SPTB: variants seen among roughly 807,000 people sequenced by gnomAD.
SPTB encodes the protein spectrin beta chain, erythrocytic.
SPTB carries 45 observed loss-of-function variants against 256.2 expected under a neutral mutation model. That is an observed-to-expected ratio of 0.18 (90% CI 0.14 to 0.23). The LOEUF is 0.23. Among genes scored for constraint, SPTB ranks in the 10% least tolerant of loss-of-function variants. SPTB has a pLI of 1.00. For synonymous variants in SPTB, 1,231 were observed against 1,243.1 expected, an observed-to-expected ratio of 0.99 and a Z score of 0.21; for missense variants, 2,715 against 3,040.4, an observed-to-expected ratio of 0.89 and a Z score of 2.52.
chr14:64,823,149 G>A lies in SPTB; in HGVS notation c.-51-4C>T. ...CTCAGTCTTCATGGAAGGATCCCTG[G>A]GGGACAGCAACACAGTCAGAGGGTT... On this transcript the variant is annotated splice_region_variant and splice_polypyrimidine_tract_variant and intron_variant, in intron 1 of 35. Coordinates refer to ENST00000644917, the MANE Select transcript of SPTB (RefSeq NM_001355436.2). This position sits in a 1 kb window ranked among gnomAD's most constrained non-coding sequence, Gnocchi z 6.5. 6.2e-7 allele frequency: 1 copy of A among 1,609,124 alleles called. No individual in the cohort carries two copies. The highest frequency in any genetic ancestry group is 1.1e-5 in the South Asian group (1 of 90,908).
At chr14:64,797,409 G>A (rs2082791249) in intron 10 of SPTB, among the ~76,000 whole-genome samples, 1 of 142,384 alleles carries the variant, frequency 7.0e-6, no homozygotes, top group South Asian at 2.3e-4. Flanking sequence ...CGAGGCTGCA[G>A]TGAGCTGTGA....
chr14:64,878,143 C>T (rs1229565813), intron 1 of SPTB, among the ~76,000 whole-genome samples: 1 of 152,182 alleles, frequency 6.6e-6, no homozygotes, highest in Non-Finnish European at 1.5e-5. Flanking sequence ...CTAAGAGCAA[C>T]AGCTAAGGGG....
chr14:64,845,760 G>C lies in SPTB; in HGVS notation c.-51-22615C>G, dbSNP rs2083682126. On this transcript the variant is annotated intron_variant, in intron 1 of 35. Coordinates refer to ENST00000644917, the MANE Select transcript of SPTB (RefSeq NM_001355436.2). This position sits in a 1 kb window ranked among gnomAD's most constrained non-coding sequence, Gnocchi z 4.8. ...ACTTTGTGAAATGAGTTCTGCCATG[G>C]GCTCGCCTAGTCTCTTCATTGTTGA... Among the ~76,000 whole-genome samples the C allele has an allele frequency of 1.3e-5, 2 of 152,068 alleles. No individual in the cohort carries two copies. Among genetic ancestry groups the C allele is most frequent in the Admixed American group, 1.3e-4 (2 of 15,272 alleles).
At chr14:64,752,146 A>G (rs1359094832) in intron 33 of SPTB, 1 of 1,308,120 alleles carries the variant, frequency 7.6e-7, no homozygotes, top group South Asian at 1.2e-5. Context: ...GCTCATGTCA[A>G]CTGGCATGTT....
Position 64,786,102 on chromosome 14 carries a change from C to T in SPTB, c.3562-151G>A. On this transcript the variant is annotated intron_variant, in intron 16 of 35. Coordinates refer to ENST00000644917, the MANE Select transcript of SPTB (RefSeq NM_001355436.2). This position sits in a 1 kb window ranked among gnomAD's most constrained non-coding sequence, Gnocchi z 5.6. ...CAGGGAGGAGGCACTACTCCCCAGG[C>T]CTTGCCCCCACCCCTACCCCAGGGG... 2.3e-6 allele frequency: 2 copies of T among 866,370 alleles called. No individual in the cohort carries two copies. The highest frequency in any genetic ancestry group is 3.7e-6 in the Non-Finnish European group (2 of 542,390). 53.7% of individuals were successfully genotyped at this position (866,370 alleles called of 1,614,324 possible). A position where few individuals can be genotyped will look rare whatever the true frequency, so the allele number is the denominator to read the frequency against.
chr14:64,812,634 C>G (rs2083110846), intron 2 of SPTB, among the ~76,000 whole-genome samples: 1 of 152,014 alleles, frequency 6.6e-6, no homozygotes, highest in Non-Finnish European at 1.5e-5. Flanking sequence ...CTCCTCCCTT[C>G]TCGGTGAGCA....
At chr14:64,876,202 C>T (rs778993592) in intron 1 of SPTB, among the ~76,000 whole-genome samples, 6 of 152,076 alleles carry the variant, frequency 3.9e-5, no homozygotes, top group Non-Finnish European at 7.4e-5. Context: ...AGTGCAGTGG[C>T]GCGATGTCGG....
At position 64,816,873 on chromosome 14, in the gene SPTB, T is replaced by C. The variant is rs899910891; in HGVS notation, c.148+6074A>G. On this transcript the variant is annotated intron_variant, in intron 2 of 35. Coordinates refer to ENST00000644917, the MANE Select transcript of SPTB (RefSeq NM_001355436.2). This position sits in a 1 kb window ranked among gnomAD's most constrained non-coding sequence, Gnocchi z 4.2. ...GGGTGCTGGCTTTTCCTGAGAGCCA[T>C]AAACACAGACAAGGCCTGGGGTCAG... 1.3e-4 allele frequency among the ~76,000 whole-genome samples: 20 copies of C among 152,094 alleles called. No individual in the cohort carries two copies. The highest frequency in any genetic ancestry group is 4.8e-4 in the African/African-American group (20 of 41,398).
intron 1 of SPTB, among the ~76,000 whole-genome samples, chr14:64,828,412 T>C (rs1277456722): frequency 6.6e-6 from 1 of 152,120 alleles, no homozygotes; most frequent in Non-Finnish European, 1.5e-5. Context: ...CCTTCTATCA[T>C]AACAACAGTA....
At chr14:64,859,314 A>G (rs1566807016) in intron 1 of SPTB, among the ~76,000 whole-genome samples, 1 of 152,264 alleles carries the variant, frequency 6.6e-6, no homozygotes, top group African/African-American at 2.4e-5. Context: ...CTTCCCTATC[A>G]TGAAATATAG....
chr14:64,870,699 G>A (rs1882478393), intron 1 of SPTB, among the ~76,000 whole-genome samples: 2 of 152,146 alleles, frequency 1.3e-5, no homozygotes, highest in African/African-American at 4.8e-5. Flanking sequence ...AAATACCAAG[G>A]GGAAATATTA....
At chr14:64,766,271 T>A (rs59914095) in intron 32 of SPTB, 45,703 of 526,974 alleles carry the variant, frequency 0.087, 2,156 homozygotes, top group Middle Eastern at 0.12. Context: ...TATTTGTGTG[T>A]GCATGCATGT....
chr14:64,866,116 G>A lies in SPTB; in HGVS notation c.-52+13676C>T, dbSNP rs138049884. 9.2e-4 allele frequency among the ~76,000 whole-genome samples: 140 copies of A among 152,308 alleles called. No individual in the cohort carries two copies. Among genetic ancestry groups the A allele is most frequent in the African/African-American group, 3.2e-3 (132 of 41,574 alleles). ...AAATGAATAAGACTGTTCACTCAAA[G>A]AGCATGCAGTGAGGCCACTAACTAG... On this transcript the variant is annotated intron_variant, in intron 1 of 35. Coordinates refer to ENST00000644917, the MANE Select transcript of SPTB (RefSeq NM_001355436.2). This position sits in a 1 kb window ranked among gnomAD's most constrained non-coding sequence, Gnocchi z 4.6.
At position 64,793,826 on chromosome 14, in the gene SPTB, T is replaced by C. The variant is rs1353840648; in HGVS notation, c.1837A>G (p.Ser613Gly). 39 of 1,610,698 alleles carry C rather than the reference T, an allele frequency of 2.4e-5. No individual in the cohort carries two copies. Among genetic ancestry groups the C allele is most frequent in the Non-Finnish European group, 3.2e-5 (38 of 1,179,780 alleles). The change falls in exon 14 of 36, where the codon AGC becomes GGC. Residue 613 changes from serine to glycine, a missense_variant. Ser to Gly is a moderately conservative substitution (Grantham distance 56). Around this residue, in one of 4 missense-constraint regions of SPTB, gnomAD observed 2,239 missense variants for 2,384.4 expected, o/e 0.94. Coordinates refer to ENST00000644917, the MANE Select transcript of SPTB (RefSeq NM_001355436.2). The surrounding 1 kb of genome is among the most constrained non-coding windows in gnomAD (Gnocchi z 7.0). ...TCCTCAAAGCACTGCTCCAAGTGGCTGATGCGGTCCTGGATGACCTGGGGG... is the reference window on the plus strand; with the variant it reads ...TCCTCAAAGCACTGCTCCAAGTGGCCGATGCGGTCCTGGATGACCTGGGGG... ...CDPQVIQDRI[S>G]HLEQCFEELS...
chr14:64,842,365 T>C (rs922356918), intron 1 of SPTB, among the ~76,000 whole-genome samples: 1 of 152,102 alleles, frequency 6.6e-6, no homozygotes, highest in African/African-American at 2.4e-5. Context: ...ATGGCAGAAA[T>C]AGTAGACTAA....
chr14:64,841,726 GC>G lies in SPTB; in HGVS notation c.-51-18582del. Among the ~76,000 whole-genome samples, 1 of 149,966 alleles carries G rather than the reference GC, an allele frequency of 6.7e-6. No individual in the cohort carries two copies. The highest frequency in any genetic ancestry group is 6.6e-5 in the Admixed American group (1 of 15,166). On this transcript the variant is annotated intron_variant, in intron 1 of 35. Coordinates refer to ENST00000644917, the MANE Select transcript of SPTB (RefSeq NM_001355436.2). The surrounding 1 kb of genome is among the most constrained non-coding windows in gnomAD (Gnocchi z 4.6). ...AATGTCTACGTCTAATCTCCCAGCT[GC>G]CCTCTGACATCCCATATATATATAT...
rs12433436 is a variant in SPTB at position 64,793,101 on chromosome 14, G to C, written c.2562C>G (p.Phe854Leu). 1.9e-6 allele frequency: 3 copies of C among 1,614,076 alleles called. No homozygotes were observed. Among genetic ancestry groups the C allele is most frequent in the Non-Finnish European group, 2.5e-6 (3 of 1,180,044 alleles). The change falls in exon 14 of 36, where the codon TTC (phenylalanine) becomes TTG (leucine). Residue 854 changes from phenylalanine (F) to leucine (L), a missense_variant. Physicochemically the swap from Phe to Leu is conservative, Grantham distance 22. Coordinates refer to ENST00000644917, the MANE Select transcript of SPTB (RefSeq NM_001355436.2). This position sits in a 1 kb window ranked among gnomAD's most constrained non-coding sequence, Gnocchi z 7.0. ...LQEALDLYTVFGETDACELWM... is the reference protein window; with the variant it reads ...LQEALDLYTVLGETDACELWM... ...ACAGCTCACAGGCGTCTGTCTCCCC[G>C]AACACCGTGTACAGGTCCAGGGCTT...
intron 8 of SPTB, among the ~76,000 whole-genome samples, chr14:64,800,155 T>G (rs1271248586): frequency 6.6e-6 from 1 of 152,234 alleles, no homozygotes; most frequent in Non-Finnish European, 1.5e-5. Flanking sequence ...GGCAGCGAGC[T>G]GGCCTGTTAA....
intron 1 of SPTB, among the ~76,000 whole-genome samples, chr14:64,872,016 C>T (rs1882560162): frequency 6.6e-6 from 1 of 152,150 alleles, no homozygotes. Flanking sequence ...ACAAAGTACA[C>T]AGCACATCTA....
Sources: allele counts gnomAD v4.1 joint callset (sites outside exome capture counted in the v4.1 genomes callset), GRCh38; gene constraint gnomAD v4.1.1; regional missense constraint gnomAD v4.1.1; non-coding constraint Gnocchi (gnomAD v3.1); transcripts MANE v1.5; gene names NCBI Gene and HGNC (gene_info 2026-07-23, HGNC 2026-07-21).